DCDC1: variants seen among roughly 807,000 people sequenced by gnomAD.
The protein encoded by DCDC1 is doublecortin domain-containing protein 1.
DCDC1 carries 200 observed loss-of-function variants against 178.3 expected under a neutral mutation model. The ratio of observed to expected loss-of-function variants is 1.12; its 90% CI spans 1.00 to 1.26. The LOEUF is 1.26. DCDC1 is among the 50% of genes most tolerant of loss of function. The probability of loss-of-function intolerance (pLI) is 0.00; values close to 1 mark genes in which losing one functional copy is unlikely to be tolerated. For missense variants in DCDC1, 1,983 were observed against 1,749.2 expected (o/e 1.13, Z -2.38); for synonymous variants, 690 against 604.8 (o/e 1.14, Z -2.07).
At chr11:31,188,291 G>A (rs576283133) in intron 9 of DCDC1, among the ~76,000 whole-genome samples, 59 of 152,082 alleles carry the variant, frequency 3.9e-4, no homozygotes, top group African/African-American at 1.3e-3. Flanking sequence ...GCACTTCCAG[G>A]CATCAATCAA....
At chr11:31,107,610 T>C (rs527669661) in intron 12 of DCDC1, among the ~76,000 whole-genome samples, 56 of 152,348 alleles carry the variant, frequency 3.7e-4, no homozygotes, top group African/African-American at 1.3e-3. Context: ...TTATCAGTGT[T>C]TGCTTCTATC....
chr11:30,968,258 C>G (rs1357209514), intron 20 of DCDC1, among the ~76,000 whole-genome samples: 1 of 152,064 alleles, frequency 6.6e-6, no homozygotes, highest in Non-Finnish European at 1.5e-5. Context: ...GAAGAGTCAA[C>G]AGAGAGGACA....
intron 12 of DCDC1, among the ~76,000 whole-genome samples, chr11:31,109,887 G>T (rs1026981672): frequency 1.3e-5 from 2 of 152,114 alleles, no homozygotes; most frequent in African/African-American, 4.8e-5. Flanking sequence ...GACCAAGGCT[G>T]CATGTTAATT....
intron 15 of DCDC1, among the ~76,000 whole-genome samples, chr11:31,096,884 C>T (rs1958192096): frequency 6.6e-6 from 1 of 152,032 alleles, no homozygotes; most frequent in South Asian, 2.1e-4. Context: ...CTCTGACAAT[C>T]CACAACATAA....
chr11:31,269,751 G>A (rs1945424171), intron 7 of DCDC1, among the ~76,000 whole-genome samples: 1 of 152,150 alleles, frequency 6.6e-6, no homozygotes, highest in Non-Finnish European at 1.5e-5. Context: ...TCATCATGCT[G>A]TAAAACCAGA....
chr11:31,063,770 A>G (rs919279271), intron 20 of DCDC1, among the ~76,000 whole-genome samples: 2 of 152,176 alleles, frequency 1.3e-5, no homozygotes, highest in African/African-American at 4.8e-5. Flanking sequence ...CTTAAACTTT[A>G]GTGAATATGA....
At chr11:31,079,014 G>A (rs1264553610) in intron 17 of DCDC1, among the ~76,000 whole-genome samples, 1 of 152,072 alleles carries the variant, frequency 6.6e-6, no homozygotes, top group Non-Finnish European at 1.5e-5. Context: ...GCTGGGTTCT[G>A]GGCACAGAGC....
At chr11:31,321,475 C>A (rs527951212) in intron 3 of DCDC1, among the ~76,000 whole-genome samples, 3 of 152,042 alleles carry the variant, frequency 2.0e-5, no homozygotes, top group Non-Finnish European at 2.9e-5. Flanking sequence ...TGACCCCTTG[C>A]GCTTCCCAGG....
At chr11:31,261,763 T>A (rs571377568) in intron 8 of DCDC1, among the ~76,000 whole-genome samples, 1 of 152,166 alleles carries the variant, frequency 6.6e-6, no homozygotes, top group Non-Finnish European at 1.5e-5. Flanking sequence ...TGACCATCTG[T>A]AGGAATATGG....
At chr11:31,110,159 C>A in intron 12 of DCDC1, 101 bp downstream of exon 12, 1 of 604,006 alleles carries the variant, frequency 1.7e-6, no homozygotes, top group Non-Finnish European at 3.0e-6. Flanking sequence ...ATCAACAAAC[C>A]ATTGATCTTC....
chr11:31,096,489 A>G (rs994449444), intron 15 of DCDC1, among the ~76,000 whole-genome samples: 3 of 152,174 alleles, frequency 2.0e-5, no homozygotes, highest in Non-Finnish European at 2.9e-5. Context: ...GCCAGCGCCT[A>G]TATTCTTGTT....
intron 9 of DCDC1, among the ~76,000 whole-genome samples, chr11:31,181,465 G>A (rs983892805): frequency 2.6e-5 from 4 of 152,178 alleles, no homozygotes; most frequent in African/African-American, 9.7e-5. Flanking sequence ...ATACAGGAGG[G>A]CTCCAGCTGG....
intron 8 of DCDC1, among the ~76,000 whole-genome samples, chr11:31,249,724 G>T (rs1181234706): frequency 6.6e-6 from 1 of 152,050 alleles, no homozygotes. Flanking sequence ...CCCTTCTTCA[G>T]CAAGAGACCT....
At chr11:31,125,277 CAG>C (rs1961438944) in intron 11 of DCDC1, among the ~76,000 whole-genome samples, 1 of 152,064 alleles carries the variant, frequency 6.6e-6, no homozygotes, top group Admixed American at 6.6e-5. Context: ...CAAGAAAAAA[CAG>C]AAGCTGGCAA....
chr11:31,365,623 T>C (rs1012617088), intron 1 of DCDC1, among the ~76,000 whole-genome samples: 1 of 152,142 alleles, frequency 6.6e-6, no homozygotes, highest in African/African-American at 2.4e-5. Context: ...TGGTAGACGT[T>C]AGTTTACGGG....
intron 20 of DCDC1, among the ~76,000 whole-genome samples, chr11:31,046,358 T>C (rs1954840367): frequency 6.6e-6 from 1 of 151,988 alleles, no homozygotes; most frequent in Non-Finnish European, 1.5e-5. Flanking sequence ...CTTGTAAATA[T>C]GGAGTGCTAC....
At chr11:30,909,807 T>C (rs988780908) in intron 28 of DCDC1, among the ~76,000 whole-genome samples, 6 of 152,178 alleles carry the variant, frequency 3.9e-5, no homozygotes, top group Non-Finnish European at 8.8e-5. Context: ...AGACATGTAA[T>C]AGAAACAATA....
At chr11:31,367,061 T>C (rs1951998574) in intron 1 of DCDC1, among the ~76,000 whole-genome samples, 1 of 152,154 alleles carries the variant, frequency 6.6e-6, no homozygotes. Context: ...TTTGGGAGGC[T>C]GAGGCAGGCA....
At chr11:31,281,799 C>T (rs1028891987) in intron 7 of DCDC1, among the ~76,000 whole-genome samples, 3 of 152,098 alleles carry the variant, frequency 2.0e-5, no homozygotes, top group African/African-American at 4.8e-5. Flanking sequence ...CCATGTGAGA[C>T]GTGCTGTTTG....
Sources: gnomAD v4.1 joint callset for allele counts (sites outside exome capture counted in the v4.1 genomes callset) on GRCh38, gnomAD v4.1.1 for gene constraint, MANE v1.5 for transcripts, NCBI Gene and HGNC (gene_info 2026-07-23, HGNC 2026-07-21) for gene names.